Variants in YES1 observed in about 807,000 individuals in gnomAD.
The protein encoded by YES1 is YES proto-oncogene 1, Src family tyrosine kinase.
Under a neutral mutation model 70.4 loss-of-function variants are expected in YES1, and 39 were observed. The ratio of observed to expected loss-of-function variants is 0.55; its 90% CI spans 0.43 to 0.72. The LOEUF (loss-of-function observed/expected upper bound fraction) is 0.72. YES1 is among the 30% of genes least tolerant of loss of function. The pLI, the probability that YES1 is intolerant of heterozygous loss-of-function variation, is 0.00. For missense variants in YES1, 495 were observed against 644.8 expected (o/e 0.77, Z 2.52); for synonymous variants, 198 against 218.6 (o/e 0.91, Z 0.83).
intron 11 of YES1, among the ~76,000 whole-genome samples, chr18:727,951 G>A (rs1368539566): frequency 6.6e-6 from 1 of 152,160 alleles, no homozygotes; most frequent in Non-Finnish European, 1.5e-5. Flanking sequence ...GGGACCAGAA[G>A]TGTTTCCGAT....
rs1410989485 is a variant in YES1 at position 723,999 on chromosome 18, G to C, written c.*425C>G. 6.3e-6 allele frequency: 1 copy of C among 157,670 alleles called. No individual in the cohort carries two copies. The highest frequency in any genetic ancestry group is 2.4e-5 in the African/African-American group (1 of 41,440). 9.8% of individuals were successfully genotyped at this position (157,670 alleles called of 1,614,324 possible). On this transcript the variant is annotated 3_prime_UTR_variant, in exon 12 of 12. Coordinates refer to ENST00000314574, the MANE Select transcript of YES1 (RefSeq NM_005433.4). ...TAAAAAACTGGAATGGAATTATTTG[G>C]TCCCATGATATTCCTTAATTTTAGA...
intron 3 of YES1, among the ~76,000 whole-genome samples, chr18:749,167 A>C (rs962110285): frequency 6.6e-6 from 1 of 151,858 alleles, no homozygotes; most frequent in African/African-American, 2.4e-5. Flanking sequence ...TCTAAAAAAA[A>C]CAAAGAAACA....
chr18:755,109 A>AAATG (rs1435478828), intron 2 of YES1, among the ~76,000 whole-genome samples: 1 of 152,244 alleles, frequency 6.6e-6, no homozygotes, highest in East Asian at 1.9e-4. Context: ...TTTGCTAAAG[A>AAATG]CTTAGAAATG....
At chr18:745,570 A>G (rs892867946) in intron 6 of YES1, 138 bp downstream of exon 6, 14 of 824,844 alleles carry the variant, frequency 1.7e-5, no homozygotes, top group Non-Finnish European at 2.6e-5. Flanking sequence ...TCCTCCCTTT[A>G]GAATACAACA....
At chr18:797,002 T>C (rs1906580575) in intron 1 of YES1, among the ~76,000 whole-genome samples, 2 of 152,052 alleles carry the variant, frequency 1.3e-5, no homozygotes, top group South Asian at 4.1e-4. Flanking sequence ...AACCTGTAAG[T>C]AGAATTTTTA....
At chr18:779,710 A>T (rs917978220) in intron 1 of YES1, among the ~76,000 whole-genome samples, 1 of 152,160 alleles carries the variant, frequency 6.6e-6, no homozygotes, top group South Asian at 2.1e-4. Context: ...AAGAATCTTT[A>T]TTCTCTCAGA....
intron 1 of YES1, among the ~76,000 whole-genome samples, chr18:798,754 T>C (rs2145830270): frequency 6.6e-6 from 1 of 152,304 alleles, no homozygotes; most frequent in Non-Finnish European, 1.5e-5. Context: ...GACTTTTCAC[T>C]CCTTCAGGGG....
intron 1 of YES1, among the ~76,000 whole-genome samples, chr18:766,246 C>G (rs1000146467): frequency 2.0e-5 from 3 of 152,086 alleles, no homozygotes; most frequent in African/African-American, 7.2e-5. Flanking sequence ...GCTAGTTGAG[C>G]CATGAGCATG....
intron 2 of YES1, among the ~76,000 whole-genome samples, chr18:753,929 C>T (rs1052948325): frequency 1.3e-5 from 2 of 152,122 alleles, no homozygotes; most frequent in South Asian, 2.1e-4. Flanking sequence ...GTACTCAAGC[C>T]GAGTCCATTA....
intron 1 of YES1, among the ~76,000 whole-genome samples, chr18:801,760 A>G (rs1906834742): frequency 6.6e-6 from 1 of 152,232 alleles, no homozygotes; most frequent in African/African-American, 2.4e-5. Context: ...ACCCAAACCT[A>G]TAAAAGGGCA....
chr18:788,796 T>A (rs1281224011), intron 1 of YES1, among the ~76,000 whole-genome samples: 1 of 152,130 alleles, frequency 6.6e-6, no homozygotes, highest in Non-Finnish European at 1.5e-5. Flanking sequence ...CATGGTGGTG[T>A]GCGCCTGTAG....
chr18:772,281 G>A lies in YES1; in HGVS notation c.-8-15446C>T, dbSNP rs555814671. The stretch of plus-strand genomic sequence containing the variant: ...CAACCTCAAGTGATCCTCCCACTTC[G>A]GCCTCCCAAAGTGCTGGGATTACAG... On this transcript the variant is annotated intron_variant, in intron 1 of 11. Coordinates refer to ENST00000314574, the MANE Select transcript of YES1 (RefSeq NM_005433.4). Among the ~76,000 whole-genome samples the A allele has an allele frequency of 1.5e-4, 23 of 151,862 alleles. No homozygotes were observed. In the South Asian group the frequency reaches 4.2e-3, roughly 27 times the overall value.
chr18:812,327 G>GCCC (rs10617278), upstream of YES1: 4 of 145,148 alleles, frequency 2.8e-5, no homozygotes, highest in African/African-American at 5.0e-5. Flanking sequence ...CACCTCCTCC[G>GCCC]CCCCCCCCCC....
intron 1 of YES1, among the ~76,000 whole-genome samples, chr18:782,112 C>T (rs1354111601): frequency 2.6e-5 from 4 of 152,128 alleles, no homozygotes; most frequent in Non-Finnish European, 2.9e-5. Flanking sequence ...CTCTCTCCAC[C>T]CCACTCCCAT....
chr18:777,526 G>A (rs191140932), intron 1 of YES1, among the ~76,000 whole-genome samples: 5 of 152,230 alleles, frequency 3.3e-5, no homozygotes, highest in Admixed American at 2.0e-4. Flanking sequence ...CTTATATCAG[G>A]CCGGGTGCAT....
chr18:764,370 G>A (rs1304271889), intron 1 of YES1, among the ~76,000 whole-genome samples: 6 of 151,786 alleles, frequency 4.0e-5, no homozygotes, highest in Non-Finnish European at 8.8e-5. Context: ...TTATAGGCAT[G>A]TGCCACCATG....
chr18:737,372 G>A (rs2080165931), intron 9 of YES1: 1 of 154,954 alleles, frequency 6.5e-6, no homozygotes, highest in Non-Finnish European at 1.4e-5. Context: ...AAAATCACTT[G>A]AACCCAGGAG....
At chr18:767,016 C>T (rs1197719368) in intron 1 of YES1, among the ~76,000 whole-genome samples, 1 of 151,906 alleles carries the variant, frequency 6.6e-6, no homozygotes, top group African/African-American at 2.4e-5. Flanking sequence ...TTTTATGTGT[C>T]CGGAAAATTC....
intron 10 of YES1, among the ~76,000 whole-genome samples, chr18:735,181 T>C (rs1487734447): frequency 1.0e-5 from 1 of 98,994 alleles, no homozygotes; most frequent in Non-Finnish European, 2.1e-5. Flanking sequence ...AAAATCATTA[T>C]ATGAAAAAGA....
Sources: gnomAD v4.1 joint callset for allele counts (sites outside exome capture counted in the v4.1 genomes callset) on GRCh38, gnomAD v4.1.1 for gene constraint, MANE v1.5 for transcripts, NCBI Gene and HGNC (gene_info 2026-07-23, HGNC 2026-07-21) for gene names.